MYO1E: variants seen among roughly 807,000 people sequenced by gnomAD.
The protein encoded by MYO1E is unconventional myosin-Ie.
Under a neutral mutation model 151.1 loss-of-function variants are expected in MYO1E, and 68 were observed. The ratio of observed to expected loss-of-function variants is 0.45; its 90% CI spans 0.37 to 0.55. The LOEUF (loss-of-function observed/expected upper bound fraction) is 0.55. MYO1E is among the 20% of genes least tolerant of loss of function. The probability of loss-of-function intolerance (pLI) is 0.00; values close to 1 mark genes in which losing one functional copy is unlikely to be tolerated. For missense variants in MYO1E, 1,363 were observed against 1,389.3 expected, an observed-to-expected ratio of 0.98 and a Z score of 0.30; for synonymous variants, 601 against 501.7, an observed-to-expected ratio of 1.20 and a Z score of -2.64.
intron 1 of MYO1E, among the ~76,000 whole-genome samples, chr15:59,277,569 A>C (rs1340765659): frequency 1.9e-5 from 1 of 52,518 alleles, no homozygotes; most frequent in African/African-American, 3.9e-5. Flanking sequence ...AAAAAAAAAA[A>C]AAAACATCAA....
At chr15:59,367,976 C>T (rs375084932) in intron 1 of MYO1E, among the ~76,000 whole-genome samples, 33 of 151,616 alleles carry the variant, frequency 2.2e-4, no homozygotes, top group Admixed American at 1.9e-3. Context: ...AAAAATTAGG[C>T]GGGTGTGGTG....
At chr15:59,153,816 A>G (rs998477906) in intron 25 of MYO1E, 25 bp from the exon 26 acceptor site, 1 of 1,600,706 alleles carries the variant, frequency 6.2e-7, no homozygotes, top group Non-Finnish European at 8.6e-7. Flanking sequence ...AGAGAAGGAA[A>G]TAAGGCTCAG....
At chr15:59,145,210 T>A (rs879257668) in intron 26 of MYO1E, among the ~76,000 whole-genome samples, 1 of 152,104 alleles carries the variant, frequency 6.6e-6, no homozygotes, top group Non-Finnish European at 1.5e-5. Context: ...TGGAGCCCCC[T>A]ACTCCCAGCC....
At chr15:59,358,911 C>T (rs76714500) in intron 1 of MYO1E, among the ~76,000 whole-genome samples, 1,733 of 152,218 alleles carry the variant, frequency 0.011, 30 homozygotes, top group African/African-American at 0.036. Flanking sequence ...TATTAACTTG[C>T]CAAGTAACTG....
chr15:59,239,221 TATA>T (rs2080084739), intron 4 of MYO1E, among the ~76,000 whole-genome samples: 3 of 84,952 alleles, frequency 3.5e-5, no homozygotes, highest in Non-Finnish European at 5.9e-5. Flanking sequence ...TATATATATA[TATA>T]TTTTTTTTAT....
rs368761394 is a variant in MYO1E at position 59,216,666 on chromosome 15, G to GTATATATA, written c.1107+1217_1107+1224dup. ...CCAGTGTGTGTGTGTGTGTGTATGT[G>GTATATATA]TATATATATATATATATATACACAT... is the stretch of plus-strand genomic sequence containing the variant. On this transcript the variant is annotated intron_variant, in intron 10 of 27. Transcript: ENST00000288235. Among the ~76,000 whole-genome samples the GTATATATA allele has an allele frequency of 3.9e-3, 120 of 30,860 alleles. 1 individual carries two copies. Among genetic ancestry groups the GTATATATA allele is most frequent in the Non-Finnish European group, 5.6e-3 (81 of 14,362 alleles). The allele number at this position is 30,860 out of a possible 152,430, so 20.2% of individuals were successfully genotyped here.
At chr15:59,240,227 T>C (rs1411912991) in intron 4 of MYO1E, among the ~76,000 whole-genome samples, 1 of 152,248 alleles carries the variant, frequency 6.6e-6, no homozygotes, top group Non-Finnish European at 1.5e-5. Context: ...GATCCCAGTC[T>C]CCAGGGACAG....
At chr15:59,326,424 G>C (rs903860022) in intron 1 of MYO1E, among the ~76,000 whole-genome samples, 2 of 152,176 alleles carry the variant, frequency 1.3e-5, no homozygotes, top group Admixed American at 1.3e-4. Flanking sequence ...TCAGGAGGCT[G>C]AGGCACGGGA....
intron 2 of MYO1E, among the ~76,000 whole-genome samples, chr15:59,270,202 A>C (rs1397647581): frequency 1.3e-5 from 2 of 152,220 alleles, no homozygotes. Flanking sequence ...AAGTATGTGA[A>C]GTGATGGATA....
At chr15:59,289,214 A>G (rs1423325994) in intron 1 of MYO1E, among the ~76,000 whole-genome samples, 1 of 152,146 alleles carries the variant, frequency 6.6e-6, no homozygotes, top group Non-Finnish European at 1.5e-5. Context: ...CTCCTGAGCA[A>G]ATCTGTACCA....
intron 19 of MYO1E, among the ~76,000 whole-genome samples, chr15:59,176,926 AG>A (rs1264642785): frequency 2.0e-5 from 3 of 152,344 alleles, no homozygotes; most frequent in Middle Eastern, 3.4e-3. Flanking sequence ...ATTGAATGTA[AG>A]GCAAGGAAAA....
intron 22 of MYO1E, among the ~76,000 whole-genome samples, chr15:59,168,052 ATCTC>A (rs2079571995): frequency 1.3e-5 from 2 of 152,138 alleles, no homozygotes; most frequent in African/African-American, 4.8e-5. Context: ...TTGTCTTAAT[ATCTC>A]TCTGAGCTAT....
chr15:59,202,431 A>G, intron 15 of MYO1E, 24 bp from the exon 16 acceptor site: 1 of 1,602,298 alleles, frequency 6.2e-7, no homozygotes, highest in Non-Finnish European at 8.6e-7. Flanking sequence ...AAGAGAATGA[A>G]TTAACAATCT....
chr15:59,160,688 G>A (rs1472927730), intron 24 of MYO1E, among the ~76,000 whole-genome samples: 6 of 152,002 alleles, frequency 3.9e-5, no homozygotes, highest in African/African-American at 7.2e-5. Context: ...CAAGGTGCTG[G>A]GATTATAGGT....
chr15:59,190,694 G>A (rs1239714003), intron 17 of MYO1E, among the ~76,000 whole-genome samples: 1 of 152,188 alleles, frequency 6.6e-6, no homozygotes, highest in Admixed American at 6.5e-5. Flanking sequence ...GTAAAAACAG[G>A]AATGGTGGCA....
chr15:59,236,105 G>A lies in MYO1E; in HGVS notation c.420+480C>T, dbSNP rs796466205. Among the ~76,000 whole-genome samples the A allele has an allele frequency of 3.9e-5, 6 of 151,938 alleles. No homozygotes were observed. The East Asian group carries it at 9.6e-4, about 24-fold the overall frequency. ...TTCCTTAATCCCAGCACTTTGGGAG[G>A]CCGAGGAGGGCAGATCACCTGAGGT... is the stretch of plus-strand genomic sequence containing the variant. On this transcript the variant is annotated intron_variant, in intron 5 of 27. Transcript: ENST00000288235.
At chr15:59,314,247 GA>G (rs1334306558) in intron 1 of MYO1E, among the ~76,000 whole-genome samples, 2 of 152,212 alleles carry the variant, frequency 1.3e-5, no homozygotes, top group African/African-American at 4.8e-5. Context: ...CCCTGAATAT[GA>G]ATGACAACTC....
chr15:59,291,939 T>A (rs1049100313), intron 1 of MYO1E, among the ~76,000 whole-genome samples: 2 of 151,786 alleles, frequency 1.3e-5, no homozygotes, highest in Admixed American at 6.6e-5. Context: ...GAAAAAAAAA[T>A]TTTAAAAAGT....
intron 1 of MYO1E, among the ~76,000 whole-genome samples, chr15:59,292,847 C>G (rs2080427805): frequency 6.6e-6 from 1 of 152,192 alleles, no homozygotes; most frequent in African/African-American, 2.4e-5. Flanking sequence ...AAAGAAGGGA[C>G]TAAATTTCTA....
Sources: allele counts gnomAD v4.1 joint callset (sites outside exome capture counted in the v4.1 genomes callset), GRCh38; gene constraint gnomAD v4.1.1; transcripts MANE v1.5; gene names NCBI Gene and HGNC (gene_info 2026-07-23, HGNC 2026-07-21).